The following IGF1R variants were observed in gnomAD, a reference collection of about 807,000 sequenced individuals.
IGF1R encodes the protein insulin-like growth factor 1 receptor.
In IGF1R, 44 loss-of-function variants were observed where a neutral mutation model predicts 144.6. The ratio of observed to expected loss-of-function variants is 0.30; its 90% CI spans 0.24 to 0.39. IGF1R has a LOEUF of 0.39. Ranked by LOEUF, IGF1R falls within the 10% of genes least tolerant of loss-of-function variation. The pLI, the probability that IGF1R is intolerant of heterozygous loss-of-function variation, is 1.00. For missense variants in IGF1R, 1,355 were observed against 1,833.7 expected, an observed-to-expected ratio of 0.74 and a Z score of 4.77; for synonymous variants, 795 against 722.8, an observed-to-expected ratio of 1.10 and a Z score of -1.60.
chr15:98,659,516 C>T (rs1164138928), intron 1 of IGF1R, among the ~76,000 whole-genome samples: 2 of 152,090 alleles, frequency 1.3e-5, no homozygotes, highest in African/African-American at 4.8e-5. Context: ...GGACTGATTG[C>T]AAGAAAATGT....
In IGF1R at chr15:98,707,185, G is replaced by A. The variant is rs921233382; in HGVS notation, c.95-377G>A. On this transcript the variant is annotated intron_variant, in intron 1 of 20. Transcript: ENST00000650285. This position sits in a 1 kb window ranked among gnomAD's most constrained non-coding sequence, Gnocchi z 6.7. Reference sequence around the variant, plus strand: ...TGTCGTTCAGGCCTTGGCAACTGACGCTCTGCAGAACGGACCAGGAGTGTG... The same window carrying A: ...TGTCGTTCAGGCCTTGGCAACTGACACTCTGCAGAACGGACCAGGAGTGTG... Among the ~76,000 whole-genome samples the A allele has an allele frequency of 1.3e-5, 2 of 152,184 alleles. No individual in the cohort carries two copies. The highest frequency in any genetic ancestry group is 2.9e-5 in the Non-Finnish European group (2 of 68,032).
At chr15:98,760,462 A>G (rs1403243440) in intron 2 of IGF1R, among the ~76,000 whole-genome samples, 1 of 152,206 alleles carries the variant, frequency 6.6e-6, no homozygotes, top group African/African-American at 2.4e-5. Context: ...TAGCTCCATA[A>G]TGGTCTCTTG....
chr15:98,873,786 T>C (rs928313908), intron 2 of IGF1R: 3 of 152,216 alleles, frequency 2.0e-5, no homozygotes, highest in Non-Finnish European at 4.4e-5. Flanking sequence ...GCAGTTACCA[T>C]GTGTGTAGGT....
chr15:98,860,615 A>G (rs1008768525), intron 2 of IGF1R, among the ~76,000 whole-genome samples: 6 of 152,198 alleles, frequency 3.9e-5, no homozygotes, highest in Non-Finnish European at 8.8e-5. Flanking sequence ...GCGAGCATAA[A>G]TTGTTGTATT....
chr15:98,919,575 G>A (rs1325003737), intron 10 of IGF1R, among the ~76,000 whole-genome samples: 1 of 152,194 alleles, frequency 6.6e-6, no homozygotes, highest in Non-Finnish European at 1.5e-5. Flanking sequence ...CAGCATTGGT[G>A]GTGTTGGGTT....
At chr15:98,865,053 C>T (rs1567167532) in intron 2 of IGF1R, among the ~76,000 whole-genome samples, 2 of 152,176 alleles carry the variant, frequency 1.3e-5, no homozygotes, top group South Asian at 4.1e-4. Flanking sequence ...TCGTAGGCAT[C>T]TCAGTAGGCT....
chr15:98,932,551 A>G (rs982344291), intron 15 of IGF1R, among the ~76,000 whole-genome samples: 2 of 152,194 alleles, frequency 1.3e-5, no homozygotes, highest in African/African-American at 2.4e-5. Flanking sequence ...AATGAATGTG[A>G]TTGGTTTCAA....
At chr15:98,829,699 C>A (rs1437838321) in intron 2 of IGF1R, among the ~76,000 whole-genome samples, 1 of 152,186 alleles carries the variant, frequency 6.6e-6, no homozygotes. Context: ...AACTCTAAAT[C>A]TTTTTATATG....
In IGF1R at chr15:98,929,590, G is replaced by T. The variant is rs755569322; in HGVS notation, c.2815G>T (p.Ala939Ser). The T allele has an allele frequency of 1.2e-6, 2 of 1,613,990 alleles. No individual in the cohort carries two copies. The highest frequency in any genetic ancestry group is 3.3e-5 in the Admixed American group (2 of 60,004). The change falls in exon 14 of 21, where the codon GCT (alanine) becomes TCT (serine). Residue 939 changes from alanine to serine, a missense_variant. This residue lies in a region of IGF1R where 880 missense variants were observed against 1,202.7 expected (regional missense o/e 0.73). Coordinates refer to ENST00000650285, the MANE Select transcript of IGF1R (RefSeq NM_000875.5). ...GYENFIHLIIALPVAVLLIVG... is the reference protein window; with the variant it reads ...GYENFIHLIISLPVAVLLIVG... ...TGAAAACTTCATCCATCTGATCATC[G>T]CTCTGCCCGTCGCTGTCCTGTTGAT... is the stretch of plus-strand genomic sequence containing the variant.
intron 2 of IGF1R, among the ~76,000 whole-genome samples, chr15:98,783,958 ATTTTTTTTTTTTTTTTT>A (rs71149420): frequency 5.5e-5 from 3 of 54,742 alleles, no homozygotes; most frequent in Admixed American, 3.2e-4. Context: ...GGCATCTGAA[ATTTTTTTTTTTTTTTTT>A]TTTTTTTTTT....
intron 1 of IGF1R, among the ~76,000 whole-genome samples, chr15:98,653,355 G>A (rs1379702491): frequency 6.6e-6 from 1 of 152,204 alleles, no homozygotes; most frequent in Non-Finnish European, 1.5e-5. Flanking sequence ...AACAAAGAAA[G>A]ACATTGCTGT....
At chr15:98,810,705 C>T (rs2056569359) in intron 2 of IGF1R, among the ~76,000 whole-genome samples, 2 of 152,032 alleles carry the variant, frequency 1.3e-5, no homozygotes, top group African/African-American at 2.4e-5. Flanking sequence ...CCCGCCACCA[C>T]GCCCGGCTTA....
At chr15:98,873,998 A>G (rs1473944630) in intron 2 of IGF1R, 1 of 152,204 alleles carries the variant, frequency 6.6e-6, no homozygotes, top group East Asian at 1.9e-4. Flanking sequence ...TATTTCGAGC[A>G]TGACTGAGCT....
In IGF1R at chr15:98,704,517, G is replaced by C. The variant is rs116930102; in HGVS notation, c.95-3045G>C. ...GAGGCTGGATCATGGGGAATGTGTT[G>C]CTTTAGGCCAAGCTGGAGTTGATAG... On this transcript the variant is annotated intron_variant, in intron 1 of 20. Coordinates refer to ENST00000650285, the MANE Select transcript of IGF1R (RefSeq NM_000875.5). This position sits in a 1 kb window ranked among gnomAD's most constrained non-coding sequence, Gnocchi z 4.9. Among the ~76,000 whole-genome samples the C allele has an allele frequency of 9.7e-3, 1,478 of 152,234 alleles. 10 individuals carry two copies. The highest frequency in any genetic ancestry group is 0.017 in the Non-Finnish European group (1,181 of 68,000).
At chr15:98,760,565 T>C (rs748362010) in intron 2 of IGF1R, among the ~76,000 whole-genome samples, 1 of 152,236 alleles carries the variant, frequency 6.6e-6, no homozygotes, top group African/African-American at 2.4e-5. Flanking sequence ...TGGGTACTTG[T>C]GTGTCTCCAG....
intron 2 of IGF1R, among the ~76,000 whole-genome samples, chr15:98,845,416 C>T (rs2011275634): frequency 9.0e-6 from 1 of 111,278 alleles, no homozygotes; most frequent in African/African-American, 3.5e-5. Flanking sequence ...CTCCTCCTCC[C>T]CCTCCCTCTT....
chr15:98,699,912 A>T (rs1263725855), intron 1 of IGF1R, among the ~76,000 whole-genome samples: 1 of 152,146 alleles, frequency 6.6e-6, no homozygotes, highest in Admixed American at 6.5e-5. Flanking sequence ...CATTCTTATC[A>T]TTGCCTTCAG....
intron 1 of IGF1R, chr15:98,651,152 C>T (rs1257761193): frequency 5.2e-6 from 4 of 762,782 alleles, no homozygotes; most frequent in Non-Finnish European, 6.4e-6. Context: ...TGAGCCTTCA[C>T]GAGTGAGGCG....
At chr15:98,801,120 A>G (rs1039448937) in intron 2 of IGF1R, among the ~76,000 whole-genome samples, 1 of 152,078 alleles carries the variant, frequency 6.6e-6, no homozygotes, top group Non-Finnish European at 1.5e-5. Context: ...TCCCAGCACC[A>G]CTTAAGAGAA....
Sources: allele counts gnomAD v4.1 joint callset (sites outside exome capture counted in the v4.1 genomes callset), GRCh38; gene constraint gnomAD v4.1.1; regional missense constraint gnomAD v4.1.1; non-coding constraint Gnocchi (gnomAD v3.1); transcripts MANE v1.5; gene names NCBI Gene and HGNC (gene_info 2026-07-23, HGNC 2026-07-21).